The following ATP8B1 variants were observed in gnomAD, a reference collection of about 807,000 sequenced individuals.
ATP8B1 encodes the protein phospholipid-transporting ATPase IC.
A neutral mutation model predicts 149.9 loss-of-function variants in ATP8B1; 80 were observed. That is an observed-to-expected ratio of 0.53 (90% CI 0.45 to 0.64). ATP8B1 has a LOEUF of 0.64. Ranked by LOEUF, ATP8B1 falls within the 30% of genes least tolerant of loss-of-function variation. The probability of loss-of-function intolerance (pLI) is 0.00; values close to 1 mark genes in which losing one functional copy is unlikely to be tolerated. For synonymous variants in ATP8B1, 536 were observed against 562.8 expected, an observed-to-expected ratio of 0.95 and a Z score of 0.67; for missense variants, 1,247 against 1,552.6, an observed-to-expected ratio of 0.80 and a Z score of 3.31.
intron 1 of ATP8B1, among the ~76,000 whole-genome samples, chr18:57,799,483 G>T (rs1458768189): frequency 6.6e-6 from 1 of 152,152 alleles, no homozygotes; most frequent in Non-Finnish European, 1.5e-5. Flanking sequence ...GGCCACTTTG[G>T]TGGATTGCTT....
At chr18:57,673,940 G>A (rs1157324153) in intron 16 of ATP8B1, among the ~76,000 whole-genome samples, 1 of 152,028 alleles carries the variant, frequency 6.6e-6, no homozygotes, top group African/African-American at 2.4e-5. Flanking sequence ...TTCCTGCTGA[G>A]TCCTCCCTTC....
chr18:57,651,398 A>G (rs565773051), intron 26 of ATP8B1, among the ~76,000 whole-genome samples: 2 of 152,146 alleles, frequency 1.3e-5, no homozygotes, highest in Admixed American at 1.3e-4. Flanking sequence ...GAGCTACCAC[A>G]TCTAGCCCCA....
intron 26 of ATP8B1, among the ~76,000 whole-genome samples, chr18:57,651,152 G>A (rs1257634007): frequency 1.3e-5 from 2 of 152,162 alleles, no homozygotes; most frequent in South Asian, 2.1e-4. Flanking sequence ...TGTTACCCAC[G>A]TTGGAGTGCA....
intron 23 of ATP8B1, 90 bp downstream of exon 23, chr18:57,655,104 T>G: frequency 8.1e-7 from 1 of 1,231,196 alleles, no homozygotes; most frequent in Non-Finnish European, 1.2e-6. Flanking sequence ...ACTACAAATA[T>G]AGAAGAAATA....
chr18:57,648,473 C>T lies in ATP8B1; in HGVS notation c.*15G>A. 1 of 1,610,902 alleles carries T rather than the reference C, an allele frequency of 6.2e-7. No homozygotes were observed. The highest frequency in any genetic ancestry group is 8.5e-7 in the Non-Finnish European group (1 of 1,179,832). ...GACGTGCTTTGTGGCCGCATCCCAG[C>T]CTGGGGGTAAGGGATCAGCTGTCCC... On this transcript the variant is annotated 3_prime_UTR_variant, in exon 28 of 28. Coordinates refer to ENST00000648908, the MANE Select transcript of ATP8B1 (RefSeq NM_001374385.1).
intron 19 of ATP8B1, 108 bp downstream of exon 19, chr18:57,668,319 AAC>A: frequency 7.5e-7 from 1 of 1,329,410 alleles, no homozygotes; most frequent in Non-Finnish European, 1.1e-6. Flanking sequence ...CGTCCAAAGA[AAC>A]AGTGTTTGTA....
intron 21 of ATP8B1, 29 bp from the exon 22 acceptor site, chr18:57,661,491 A>G: frequency 6.2e-7 from 1 of 1,609,632 alleles, no homozygotes; most frequent in Non-Finnish European, 8.5e-7. Context: ...AAAAGGTTAC[A>G]TTCACTTTAG....
At chr18:57,663,367 T>C (rs1910620300) in intron 20 of ATP8B1, among the ~76,000 whole-genome samples, 1 of 152,226 alleles carries the variant, frequency 6.6e-6, no homozygotes, top group African/African-American at 2.4e-5. Flanking sequence ...ATCTCTTGGC[T>C]GCTGTGAACA....
intron 13 of ATP8B1, among the ~76,000 whole-genome samples, chr18:57,685,609 G>T (rs1185651868): frequency 6.6e-6 from 1 of 151,972 alleles, no homozygotes; most frequent in East Asian, 1.9e-4. Flanking sequence ...ATTTCTAAAT[G>T]TTTCAGAAAA....
intron 22 of ATP8B1, 50 bp from the exon 23 acceptor site, chr18:57,655,467 C>G: frequency 6.6e-7 from 1 of 1,518,464 alleles, no homozygotes; most frequent in Non-Finnish European, 9.1e-7. Flanking sequence ...GATTGTGAGG[C>G]AAAACATCAG....
At chr18:57,762,323 G>C (rs942977916) in intron 1 of ATP8B1, among the ~76,000 whole-genome samples, 28 of 151,934 alleles carry the variant, frequency 1.8e-4, no homozygotes, top group African/African-American at 6.8e-4. Flanking sequence ...ATTTTCAGTA[G>C]AGACAGGGTT....
At chr18:57,745,433 G>A (rs1048222516) in intron 1 of ATP8B1, among the ~76,000 whole-genome samples, 3 of 152,010 alleles carry the variant, frequency 2.0e-5, no homozygotes, top group African/African-American at 7.2e-5. Flanking sequence ...CACCATGCTC[G>A]AGTAATTTTT....
chr18:57,663,309 A>G (rs1002316242), intron 20 of ATP8B1, among the ~76,000 whole-genome samples: 4 of 152,210 alleles, frequency 2.6e-5, no homozygotes. Context: ...TGGAAGCACC[A>G]CATTCTGTTT....
intron 1 of ATP8B1, among the ~76,000 whole-genome samples, chr18:57,763,820 T>C (rs1349241555): frequency 3.3e-5 from 5 of 152,176 alleles, no homozygotes; most frequent in African/African-American, 9.7e-5. Context: ...AGATACTGAG[T>C]TCTTCCAGAT....
intron 26 of ATP8B1, 62 bp downstream of exon 26, chr18:57,651,972 G>A (rs1909648536): frequency 6.4e-7 from 1 of 1,562,058 alleles, no homozygotes; most frequent in Non-Finnish European, 8.8e-7. Flanking sequence ...CAGAAGTTAT[G>A]TCAAAATCTA....
intron 13 of ATP8B1, among the ~76,000 whole-genome samples, 162 bp downstream of exon 13, chr18:57,688,137 C>T (rs939669440): frequency 6.6e-6 from 1 of 152,172 alleles, no homozygotes; most frequent in African/African-American, 2.4e-5. Flanking sequence ...CAGTGCTGTC[C>T]ATGGTGCTCC....
intron 2 of ATP8B1, among the ~76,000 whole-genome samples, chr18:57,720,524 A>G (rs1305794091): frequency 8.2e-6 from 1 of 121,930 alleles, no homozygotes; most frequent in Non-Finnish European, 1.7e-5. Flanking sequence ...AATGAAATGA[A>G]GCGAGAAGGG....
At chr18:57,709,467 A>G (rs1913582439) in intron 2 of ATP8B1, among the ~76,000 whole-genome samples, 1 of 152,204 alleles carries the variant, frequency 6.6e-6, no homozygotes, top group Admixed American at 6.5e-5. Context: ...CAGAACACTT[A>G]TTAACATCAG....
At chr18:57,762,426 A>G (rs570486794) in intron 1 of ATP8B1, among the ~76,000 whole-genome samples, 20 of 152,290 alleles carry the variant, frequency 1.3e-4, no homozygotes, top group African/African-American at 4.6e-4. Context: ...GGTGTGAGCC[A>G]ATGTGCCCGG....
Sources: allele counts gnomAD v4.1 joint callset (sites outside exome capture counted in the v4.1 genomes callset), GRCh38; gene constraint gnomAD v4.1.1; transcripts MANE v1.5; gene names NCBI Gene and HGNC (gene_info 2026-07-23, HGNC 2026-07-21).